NSF: variants seen among roughly 807,000 people sequenced by gnomAD.
NSF encodes N-ethylmaleimide sensitive factor, vesicle fusing ATPase.
NSF carries 14 observed loss-of-function variants against 50.3 expected under a neutral mutation model. That is an observed-to-expected ratio of 0.28 (90% CI 0.18 to 0.44). The LOEUF is 0.44. Among genes scored for constraint, NSF ranks in the 20% least tolerant of loss-of-function variants. The probability of loss-of-function intolerance (pLI) is 1.00; values close to 1 mark genes in which losing one functional copy is unlikely to be tolerated. For missense variants in NSF, 218 were observed against 504.3 expected (o/e 0.43, Z 5.44); for synonymous variants, 109 against 175.7 (o/e 0.62, Z 3.00).
At chr17:46,721,830 T>C in intron 15 of NSF, 1 of 1,596,590 alleles carries the variant, frequency 6.3e-7, no homozygotes, top group Non-Finnish European at 8.6e-7. Flanking sequence ...CACTTTTGCT[T>C]ATTTTTTGTA....
intron 9 of NSF, among the ~76,000 whole-genome samples, chr17:46,676,189 G>A (rs2058403768): frequency 6.8e-6 from 1 of 146,080 alleles, no homozygotes; most frequent in Non-Finnish European, 1.5e-5. Context: ...AACTGCCTGG[G>A]TTCTGGAATG....
rs370862689 is a variant in NSF at position 46,752,656 on chromosome 17, A to C, written c.2157+1040A>C. 9.7e-4 allele frequency among the ~76,000 whole-genome samples: 147 copies of C among 152,274 alleles called. 1 individual carries two copies. Among genetic ancestry groups the C allele is most frequent in the South Asian group, 3.3e-3 (16 of 4,828 alleles). ...TTTTTTGTAGAAACATGGTTTCACT[A>C]TGTTGCCCAGGCTGGTCTTGAACTC... On this transcript the variant is annotated intron_variant, in intron 19 of 20. Transcript: ENST00000398238.
At chr17:46,755,423 T>A (rs1311926906) in intron 20 of NSF, 54 bp downstream of exon 20, 1 of 1,360,472 alleles carries the variant, frequency 7.4e-7, no homozygotes, top group Admixed American at 1.7e-5. Context: ...CCCTGTTAAA[T>A]CCCTGTGCCT....
At chr17:46,752,309 G>A (rs1338647178) in intron 19 of NSF, among the ~76,000 whole-genome samples, 1 of 152,056 alleles carries the variant, frequency 6.6e-6, no homozygotes, top group Admixed American at 6.5e-5. Context: ...CCCATGCTGT[G>A]TCTTCTTGTC....
intron 16 of NSF, 113 bp from the exon 17 acceptor site, chr17:46,728,742 G>T (rs1598721721): frequency 2.0e-5 from 12 of 586,024 alleles, no homozygotes; most frequent in South Asian, 1.2e-4. Context: ...TACATATTCT[G>T]CTTATGTAGG....
At chr17:46,709,705 G>A (rs964779528) in intron 13 of NSF, among the ~76,000 whole-genome samples, 3 of 151,998 alleles carry the variant, frequency 2.0e-5, no homozygotes, top group Admixed American at 2.0e-4. Flanking sequence ...ACGTTGGCCA[G>A]GTTGGTCTGG....
rs949969963 is a variant in NSF, at chr17:46,756,563, G to T, written c.*740G>T. 2.0e-5 allele frequency: 3 copies of T among 152,486 alleles called. No homozygotes were observed. Among genetic ancestry groups the T allele is most frequent in the African/African-American group, 7.2e-5 (3 of 41,450 alleles). The allele number at this position is 152,486 out of a possible 1,614,324, so 9.4% of individuals were successfully genotyped here. A position where few individuals can be genotyped will look rare whatever the true frequency, so the allele number is the denominator to read the frequency against. On this transcript the variant is annotated 3_prime_UTR_variant, in exon 21 of 21. Coordinates refer to ENST00000398238, the MANE Select transcript of NSF (RefSeq NM_006178.4). The stretch of plus-strand genomic sequence containing the variant: ...AAGATGTTGTTAAAAACATGTGAAA[G>T]ATAGGTATGGAAAAAGCATACACCC...
intron 13 of NSF, 56 bp from the exon 14 acceptor site, chr17:46,710,907 A>T (rs916257042): frequency 1.4e-6 from 2 of 1,467,778 alleles, no homozygotes; most frequent in Non-Finnish European, 1.8e-6. Context: ...CGTCTTTTAT[A>T]CTGTTAGTTT....
chr17:46,657,973 T>TA (rs200312798), intron 8 of NSF, among the ~76,000 whole-genome samples: 26,232 of 46,578 alleles, frequency 0.56, 7,356 homozygotes, highest in Admixed American at 0.71. Flanking sequence ...TTTATTTATT[T>TA]TTTTTTTTTT....
At chr17:46,694,415 TCTC>T (rs2058574756) in intron 11 of NSF, 57 bp from the exon 12 acceptor site, 6 of 1,064,166 alleles carry the variant, frequency 5.6e-6, no homozygotes, top group Non-Finnish European at 5.4e-6. Context: ...ATAATGATAA[TCTC>T]CTCTGATGGT....
intron 15 of NSF, among the ~76,000 whole-genome samples, chr17:46,718,233 T>G (rs1405373225): frequency 2.0e-5 from 3 of 152,136 alleles, no homozygotes; most frequent in Non-Finnish European, 2.9e-5. Flanking sequence ...CCCCAACACG[T>G]GCACCCCTGC....
rs912584531 is a variant in NSF at position 46,697,222 on chromosome 17, T to G, written c.1374+2560T>G. 1.2e-4 allele frequency among the ~76,000 whole-genome samples: 15 copies of G among 129,572 alleles called. 2 individuals are homozygous for G. Among genetic ancestry groups the G allele is most frequent in the African/African-American group, 4.8e-4 (15 of 31,326 alleles). The allele number at this position is 129,572 out of a possible 152,430, so 85.0% of individuals were successfully genotyped here. On this transcript the variant is annotated intron_variant, in intron 12 of 20. Transcript: ENST00000398238. ...GTCCAGTAAATTATTTTTCTTTTTT[T>G]TTTTTTGAAACAGAGTCTTACTCTG...
Position 46,734,690 on chromosome 17 carries a change from A to G in NSF, c.1908+5756A>G, listed in dbSNP as rs76977626. 4.1e-3 allele frequency among the ~76,000 whole-genome samples: 626 copies of G among 152,298 alleles called. 5 individuals are homozygous for G. Among genetic ancestry groups the G allele is most frequent in the African/African-American group, 0.014 (577 of 41,552 alleles). On this transcript the variant is annotated intron_variant, in intron 17 of 20. Coordinates refer to ENST00000398238, the MANE Select transcript of NSF (RefSeq NM_006178.4). ...GAAGCCCTTTGTAAACCTGTGGACTACATAGATAGACAGTATTAAAGAACA... is the reference window on the plus strand; with the variant it reads ...GAAGCCCTTTGTAAACCTGTGGACTGCATAGATAGACAGTATTAAAGAACA...
intron 13 of NSF, among the ~76,000 whole-genome samples, chr17:46,710,328 T>G (rs559484601): frequency 6.6e-6 from 1 of 152,304 alleles, no homozygotes; most frequent in Admixed American, 6.5e-5. Context: ...TGAAGAAGGG[T>G]GCAATTTAAG....
At chr17:46,741,260 G>A (rs1445855230) in intron 17 of NSF, among the ~76,000 whole-genome samples, 1 of 152,150 alleles carries the variant, frequency 6.6e-6, no homozygotes, top group African/African-American at 2.4e-5. Flanking sequence ...TTTAAGAGCT[G>A]CTCCCAATGT....
chr17:46,734,909 A>G (rs2058985494), intron 17 of NSF, among the ~76,000 whole-genome samples: 1 of 152,090 alleles, frequency 6.6e-6, no homozygotes, highest in Non-Finnish European at 1.5e-5. Flanking sequence ...AAGTTAGTCG[A>G]ATGTGGTGGT....
intron 8 of NSF, among the ~76,000 whole-genome samples, chr17:46,673,911 GT>G (rs1188662185): frequency 0.048 from 262 of 5,484 alleles, 114 homozygotes; most frequent in African/African-American, 0.1. Context: ...TTCCATGGGG[GT>G]GTGTGTGTGT....
intron 14 of NSF, among the ~76,000 whole-genome samples, chr17:46,711,671 C>T (rs1322394743): frequency 6.6e-6 from 1 of 152,158 alleles, no homozygotes; most frequent in African/African-American, 2.4e-5. Context: ...AAGGACATTC[C>T]ATTCACAAAT....
intron 19 of NSF, among the ~76,000 whole-genome samples, chr17:46,754,138 T>C (rs1455014110): frequency 7.2e-6 from 1 of 138,888 alleles, no homozygotes; most frequent in Non-Finnish European, 1.5e-5. Flanking sequence ...ACAACTGCGC[T>C]CCAGCCAGTT....
Sources: allele counts gnomAD v4.1 joint callset (sites outside exome capture counted in the v4.1 genomes callset), GRCh38; gene constraint gnomAD v4.1.1; transcripts MANE v1.5; gene names NCBI Gene and HGNC (gene_info 2026-07-23, HGNC 2026-07-21).